Variants in BFSP2 observed in about 807,000 individuals in gnomAD.
The protein encoded by BFSP2 is phakinin.
BFSP2 carries 38 observed loss-of-function variants against 44.9 expected under a neutral mutation model. The ratio of observed to expected loss-of-function variants is 0.85; its 90% confidence interval spans 0.65 to 1.11. The LOEUF (loss-of-function observed/expected upper bound fraction) is 1.11. Ranked by LOEUF, BFSP2 falls within the 50% of genes least tolerant of loss-of-function variation. The pLI is 0.00. For missense variants in BFSP2, 525 were observed against 533.0 expected (o/e 0.99, Z 0.15); for synonymous variants, 197 against 209.9 (o/e 0.94, Z 0.53).
At chr3:133,413,384 A>G (rs910263141) in intron 1 of BFSP2, among the ~76,000 whole-genome samples, 1 of 152,090 alleles carries the variant, frequency 6.6e-6, no homozygotes, top group South Asian at 2.1e-4. Context: ...CAGAAGAGCA[A>G]TAGGAAAGAT....
intron 3 of BFSP2, 44 bp from the exon 4 acceptor site, chr3:133,450,259 A>T (rs754268390): frequency 1.9e-6 from 3 of 1,609,228 alleles, no homozygotes; most frequent in Non-Finnish European, 2.6e-6. Context: ...TATGCCATTT[A>T]TTTCCCCCCG....
chr3:133,416,395 CT>C (rs2073530001), intron 1 of BFSP2, among the ~76,000 whole-genome samples: 1 of 148,128 alleles, frequency 6.8e-6, no homozygotes. Flanking sequence ...CTACTCACCC[CT>C]GCCCTTTCCC....
chr3:133,442,587 T>C (rs1201116298), intron 1 of BFSP2, among the ~76,000 whole-genome samples: 5 of 152,166 alleles, frequency 3.3e-5, no homozygotes. Context: ...TGGAAGGATA[T>C]TACAATGGGA....
At chr3:133,466,554 G>T (rs559701013) in intron 4 of BFSP2, among the ~76,000 whole-genome samples, 3 of 151,170 alleles carry the variant, frequency 2.0e-5, no homozygotes, top group Non-Finnish European at 4.4e-5. Flanking sequence ...CTGGTGGCGG[G>T]TACCTGTAAT....
At position 133,434,666 on chromosome 3, in the gene BFSP2, C is replaced by T. The variant is rs541880878; in HGVS notation, c.490-12651C>T. 6.6e-5 allele frequency among the ~76,000 whole-genome samples: 10 copies of T among 152,216 alleles called. No individual in the cohort carries two copies. In the East Asian group the frequency reaches 1.9e-3, roughly 29 times the overall value. ...TGCCCCACCTTAACTGATGATATTC[C>T]ACCACAAAACAAGTGTAAATGGCCG... On this transcript the variant is annotated intron_variant, in intron 1 of 6. Coordinates refer to ENST00000302334, the MANE Select transcript of BFSP2 (RefSeq NM_003571.4).
intron 1 of BFSP2, among the ~76,000 whole-genome samples, chr3:133,425,044 C>G (rs981603473): frequency 1.3e-5 from 2 of 152,178 alleles, no homozygotes; most frequent in Non-Finnish European, 2.9e-5. Context: ...ACTACTGTCA[C>G]GTGTAAATAC....
intron 4 of BFSP2, among the ~76,000 whole-genome samples, chr3:133,453,625 A>G (rs1284658468): frequency 6.6e-6 from 1 of 152,198 alleles, no homozygotes; most frequent in Non-Finnish European, 1.5e-5. Context: ...AAGGCAAGGG[A>G]GCTGAGATGT....
chr3:133,449,456 A>C lies in BFSP2; in HGVS notation c.729+811A>C, dbSNP rs1023647096. On this transcript the variant is annotated intron_variant, in intron 3 of 6. Transcript: ENST00000302334. ...TATTTTACTTTAAGTTTTAGGGTAC[A>C]TGTGCACAATGTGCAGGTTAGTTAC... 3.9e-5 allele frequency among the ~76,000 whole-genome samples: 6 copies of C among 152,128 alleles called. No individual in the cohort carries two copies. In the East Asian group the frequency reaches 7.7e-4, roughly 20 times the overall value.
chr3:133,472,810 CACAT>C (rs781615507), intron 6 of BFSP2, among the ~76,000 whole-genome samples: 5 of 152,096 alleles, frequency 3.3e-5, no homozygotes, highest in Non-Finnish European at 7.4e-5. Flanking sequence ...TATATATACA[CACAT>C]ACATTCACAT....
chr3:133,445,108 T>C (rs2073885338), intron 1 of BFSP2, among the ~76,000 whole-genome samples: 1 of 152,090 alleles, frequency 6.6e-6, no homozygotes, highest in Admixed American at 6.6e-5. Context: ...GCTGAAGAAA[T>C]TAAGGCAAGA....
At chr3:133,455,188 C>G (rs2074002525) in intron 4 of BFSP2, 2 of 152,190 alleles carry the variant, frequency 1.3e-5, no homozygotes, top group Non-Finnish European at 2.9e-5. Flanking sequence ...ATACATAAAC[C>G]AGTAACATTT....
intron 3 of BFSP2, among the ~76,000 whole-genome samples, chr3:133,449,731 A>T (rs552882911): frequency 2.6e-5 from 4 of 151,956 alleles, no homozygotes; most frequent in Non-Finnish European, 5.9e-5. Flanking sequence ...TACAAAAATT[A>T]GCTGGGCATG....
intron 4 of BFSP2, 43 bp downstream of exon 4, chr3:133,450,507 A>G: frequency 6.2e-7 from 1 of 1,611,602 alleles, no homozygotes; most frequent in Non-Finnish European, 8.5e-7. Flanking sequence ...CCTATGCAGA[A>G]GGAGGCCACG....
At chr3:133,464,920 C>T (rs886290628) in intron 4 of BFSP2, among the ~76,000 whole-genome samples, 5 of 151,784 alleles carry the variant, frequency 3.3e-5, no homozygotes, top group Non-Finnish European at 5.9e-5. Context: ...CTTTAATGGT[C>T]ATTCTTTGGG....
chr3:133,402,555 A>G (rs1362358954), intron 1 of BFSP2, among the ~76,000 whole-genome samples: 1 of 152,158 alleles, frequency 6.6e-6, no homozygotes, highest in Non-Finnish European at 1.5e-5. Flanking sequence ...GGGCCTGGGT[A>G]TGAATAAAGT....
rs375822049 is a variant in BFSP2, at chr3:133,447,349, C to T, written c.522C>T (p.Leu174=). The T allele has an allele frequency of 1.2e-5, 20 of 1,613,944 alleles. No individual in the cohort carries two copies. The highest frequency in any genetic ancestry group is 1.7e-5 in the Non-Finnish European group (20 of 1,180,034). The change falls in exon 2 of 7, where the codon CTC becomes CTT. Residue 174 remains leucine (L), a synonymous_variant. Transcript: ENST00000302334. ...VGEAVLENAR[L]MLQTETIQAG... ...AGGCAGTCTTGGAAAATGCCCGGCT[C>T]ATGCTGCAGACAGAAACTATCCAGG...
intron 1 of BFSP2, among the ~76,000 whole-genome samples, chr3:133,402,620 T>G (rs1011102121): frequency 6.6e-6 from 1 of 152,050 alleles, no homozygotes; most frequent in African/African-American, 2.4e-5. Flanking sequence ...GTAAGACCAA[T>G]TGATAAAATG....
intron 4 of BFSP2, among the ~76,000 whole-genome samples, chr3:133,454,290 C>T (rs2073993142): frequency 6.6e-6 from 1 of 152,156 alleles, no homozygotes; most frequent in Non-Finnish European, 1.5e-5. Context: ...TATGGATAGC[C>T]ACTCTACTCC....
intron 1 of BFSP2, among the ~76,000 whole-genome samples, chr3:133,411,962 C>G (rs990503730): frequency 6.6e-6 from 1 of 152,092 alleles, no homozygotes; most frequent in Non-Finnish European, 1.5e-5. Flanking sequence ...ATATTAGACA[C>G]GAGAAAAGAT....
Sources: gnomAD v4.1 joint callset for allele counts (sites outside exome capture counted in the v4.1 genomes callset) on GRCh38, gnomAD v4.1.1 for gene constraint, MANE v1.5 for transcripts, NCBI Gene and HGNC (gene_info 2026-07-23, HGNC 2026-07-21) for gene names.